SMARCAD1: variants seen among roughly 807,000 people sequenced by gnomAD.
The protein encoded by SMARCAD1 is SWI/SNF-related matrix-associated actin-dependent regulator of chromatin subfamily A containing DEAD/H box 1.
A neutral mutation model predicts 127.1 loss-of-function variants in SMARCAD1; 25 were observed. The observed-to-expected ratio is 0.20, with a 90% CI of 0.14 to 0.27. The LOEUF is 0.27. Ranked by LOEUF, SMARCAD1 falls within the 10% of genes least tolerant of loss-of-function variation. The pLI is 1.00. For missense variants in SMARCAD1, 807 were observed against 1,206.0 expected, an observed-to-expected ratio of 0.67 and a Z score of 4.90; for synonymous variants, 400 against 396.9, an observed-to-expected ratio of 1.01 and a Z score of -0.09.
chr4:94,278,362 C>T, intron 16 of SMARCAD1, 60 bp from the exon 17 acceptor site: 1 of 1,364,828 alleles, frequency 7.3e-7, no homozygotes, highest in East Asian at 2.3e-5. Context: ...TGTAATAATA[C>T]TGTTATTGCA....
At chr4:94,215,385 C>G (rs1469295407) in intron 2 of SMARCAD1, among the ~76,000 whole-genome samples, 1 of 152,024 alleles carries the variant, frequency 6.6e-6, no homozygotes, top group East Asian at 1.9e-4. Flanking sequence ...CTTTGGGAGG[C>G]CGAGGCAGGA....
chr4:94,270,606 C>T lies in SMARCAD1; in HGVS notation c.1482-122C>T, dbSNP rs535521251. The T allele has an allele frequency of 5.3e-6, 4 of 761,712 alleles. No individual in the cohort carries two copies. In the African/African-American group the frequency reaches 6.9e-5, roughly 13 times the overall value. 47.2% of individuals were successfully genotyped at this position (761,712 alleles called of 1,614,324 possible). On this transcript the variant is annotated intron_variant, in intron 10 of 23. Coordinates refer to ENST00000354268, the MANE Select transcript of SMARCAD1 (RefSeq NM_020159.5). ...ATTTTTTTTAAGTAGGTGTACATAG[C>T]ATCTAACAGTTAAAAGGTAAGATTA...
At chr4:94,232,921 C>T (rs1420061709) in intron 3 of SMARCAD1, among the ~76,000 whole-genome samples, 1 of 152,002 alleles carries the variant, frequency 6.6e-6, no homozygotes, top group Admixed American at 6.6e-5. Flanking sequence ...CAAAGGTTGC[C>T]GTGAGCCAAG....
At chr4:94,281,323 AT>A (rs1253283107) in intron 20 of SMARCAD1, 148 bp from the exon 21 acceptor site, 1 of 695,012 alleles carries the variant, frequency 1.4e-6, no homozygotes, top group Admixed American at 2.1e-5. Flanking sequence ...GGTATTACTG[AT>A]TTGTATTAAA....
At chr4:94,249,552 G>A in intron 6 of SMARCAD1, 102 bp from the exon 7 acceptor site, 1 of 723,834 alleles carries the variant, frequency 1.4e-6, no homozygotes, top group Non-Finnish European at 2.5e-6. Flanking sequence ...TCTGACTGAT[G>A]ATGATAATTT....
In SMARCAD1 at chr4:94,289,574, A is replaced by T. The variant is rs1755428982; in HGVS notation, c.*40A>T. ...ACTCTCAATTGATGAGGAAATATCA[A>T]CTTGGTGCACTCAAGGACATTTACA... On this transcript the variant is annotated 3_prime_UTR_variant, in exon 24 of 24. Transcript: ENST00000354268. 6.8e-7 allele frequency: 1 copy of T among 1,465,598 alleles called. No homozygotes were observed. The highest frequency in any genetic ancestry group is 1.7e-5 in the Admixed American group (1 of 59,792). The allele number at this position is 1,465,598 out of a possible 1,614,324, so 90.8% of individuals were successfully genotyped here.
At chr4:94,231,050 C>G (rs560829466) in intron 3 of SMARCAD1, among the ~76,000 whole-genome samples, 1 of 152,170 alleles carries the variant, frequency 6.6e-6, no homozygotes, top group African/African-American at 2.4e-5. Context: ...TTAGTGAGAA[C>G]AGTTTCACTG....
intron 11 of SMARCAD1, 61 bp from the exon 12 acceptor site, chr4:94,273,556 T>C: frequency 1.6e-6 from 2 of 1,224,716 alleles, no homozygotes; most frequent in Non-Finnish European, 2.4e-6. Flanking sequence ...TCTTCTGTAT[T>C]TTTATGTATT....
chr4:94,226,747 C>A (rs1745081044), intron 3 of SMARCAD1, among the ~76,000 whole-genome samples: 1 of 151,982 alleles, frequency 6.6e-6, no homozygotes, highest in South Asian at 2.1e-4. Context: ...TCTTTCTGCC[C>A]TCACACAGCT....
At chr4:94,217,982 G>T (rs1304512781) in intron 2 of SMARCAD1, among the ~76,000 whole-genome samples, 1 of 152,094 alleles carries the variant, frequency 6.6e-6, no homozygotes, top group Non-Finnish European at 1.5e-5. Flanking sequence ...CTCACAGTGG[G>T]TTTCAGTCAA....
intron 3 of SMARCAD1, 89 bp downstream of exon 3, chr4:94,226,385 T>C: frequency 1.0e-6 from 1 of 967,082 alleles, no homozygotes; most frequent in Admixed American, 2.8e-5. Context: ...TTTGGTGACT[T>C]CCCTTTTTTT....
At chr4:94,284,796 T>C (rs1020759503) in intron 22 of SMARCAD1, among the ~76,000 whole-genome samples, 164 bp from the exon 23 acceptor site, 11 of 152,152 alleles carry the variant, frequency 7.2e-5, no homozygotes, top group Non-Finnish European at 2.9e-5. Flanking sequence ...GTCTAAAAGT[T>C]AAATAGTCAG....
rs116400520 is a variant in SMARCAD1 at position 94,278,225 on chromosome 4, T to C, written c.2083-197T>C. ...AGAACATGATTACGTATCATAAAAC[T>C]TCAAAATACATATGGAGCTTCAAGA... On this transcript the variant is annotated intron_variant, in intron 16 of 23. Transcript: ENST00000354268. Among the ~76,000 whole-genome samples, 1,386 of 152,234 alleles carry C rather than the reference T, an allele frequency of 9.1e-3. 24 individuals are homozygous for C. The highest frequency in any genetic ancestry group is 0.031 in the African/African-American group (1,290 of 41,524).
intron 2 of SMARCAD1, among the ~76,000 whole-genome samples, chr4:94,209,894 C>G (rs1741920753): frequency 6.6e-6 from 1 of 152,178 alleles, no homozygotes; most frequent in African/African-American, 2.4e-5. Context: ...TTAGATAGTT[C>G]AGGAAAGCCA....
At chr4:94,283,847 TG>T (rs2126007784) in intron 22 of SMARCAD1, among the ~76,000 whole-genome samples, 1 of 151,344 alleles carries the variant, frequency 6.6e-6, no homozygotes, top group South Asian at 2.1e-4. Flanking sequence ...ACAAAAAAAT[TG>T]TCTACCCCTT....
rs368167302 is a variant in SMARCAD1 at position 94,281,576 on chromosome 4, T to G, written c.2712T>G (p.Thr904=). 6.2e-7 allele frequency: 1 copy of G among 1,600,508 alleles called. No homozygotes were observed. The highest frequency in any genetic ancestry group is 8.6e-7 in the Non-Finnish European group (1 of 1,168,004). The change falls in exon 21 of 24, where the codon ACT becomes ACG. Residue 904 remains threonine (T), a synonymous_variant. Coordinates refer to ENST00000354268, the MANE Select transcript of SMARCAD1 (RefSeq NM_020159.5). ...QHRYLRLDGK[T]QISERIHLID... The stretch of plus-strand genomic sequence containing the variant: ...GGTACCTCAGATTAGATGGAAAGAC[T>G]CAGATTTCTGAAAGGTTGGTATAAT...
intron 6 of SMARCAD1, among the ~76,000 whole-genome samples, chr4:94,246,355 G>C (rs1389258172): frequency 1.3e-5 from 2 of 151,944 alleles, no homozygotes; most frequent in Non-Finnish European, 2.9e-5. Flanking sequence ...TCCTGACCTC[G>C]TGATCCACCC....
chr4:94,259,848 TA>T (rs1472853467), intron 9 of SMARCAD1, among the ~76,000 whole-genome samples: 1 of 152,224 alleles, frequency 6.6e-6, no homozygotes, highest in Non-Finnish European at 1.5e-5. Flanking sequence ...TTCTTATATC[TA>T]ATAAAAATCA....
At chr4:94,218,368 C>T (rs1743541544) in intron 2 of SMARCAD1, among the ~76,000 whole-genome samples, 1 of 152,050 alleles carries the variant, frequency 6.6e-6, no homozygotes, top group African/African-American at 2.4e-5. Flanking sequence ...CTGCAACCCC[C>T]ACCTCCTGGG....
Sources: allele counts gnomAD v4.1 joint callset (sites outside exome capture counted in the v4.1 genomes callset), GRCh38; gene constraint gnomAD v4.1.1; transcripts MANE v1.5; gene names NCBI Gene and HGNC (gene_info 2026-07-23, HGNC 2026-07-21).